Variants in PER3 observed in about 807,000 individuals in gnomAD.
The protein encoded by PER3 is period circadian protein homolog 3.
PER3 carries 107 observed loss-of-function variants against 127.2 expected under a neutral mutation model. The observed-to-expected ratio is 0.84, with a 90% confidence interval of 0.72 to 0.99. PER3 has a LOEUF of 0.99. Ranked by LOEUF, PER3 falls within the 50% of genes least tolerant of loss-of-function variation. PER3 has a pLI of 0.00. For missense variants in PER3, 1,560 were observed against 1,525.8 expected (o/e 1.02, Z -0.37); for synonymous variants, 618 against 585.8 (o/e 1.05, Z -0.79).
chr1:7,820,564 G>A lies in PER3; in HGVS notation c.1881G>A (p.Ala627=), dbSNP rs538642512. Residue 627 remains alanine (A), a synonymous_variant, in exon 16 of 22, where the codon GCG becomes GCA. Transcript: ENST00000377532. The part of the protein sequence containing the change: ...GGGAPQILST[A]MLSLGSGISQ... ...GAGCTCCACAGATCCTGTCCACGGC[G>A]ATGCTGAGCTTGGGGTCGGGCATAA... 1.4e-4 allele frequency: 223 copies of A among 1,614,088 alleles called. 2 individuals carry two copies. The East Asian group carries it at 3.5e-3, about 25-fold the overall frequency.
intron 10 of PER3, 94 bp from the exon 11 acceptor site, chr1:7,808,799 A>G: frequency 2.9e-6 from 2 of 696,086 alleles, no homozygotes; most frequent in Non-Finnish European, 2.5e-6. Context: ...ATTGTTTTGT[A>G]AAAGCATAGA....
chr1:7,791,176 G>A (rs2097118630), intron 5 of PER3, among the ~76,000 whole-genome samples: 1 of 151,412 alleles, frequency 6.6e-6, no homozygotes. Context: ...CTTAGCAGAG[G>A]TTCTCTATGA....
At chr1:7,816,013 A>C (rs964706775) in intron 13 of PER3, among the ~76,000 whole-genome samples, 1 of 147,470 alleles carries the variant, frequency 6.8e-6, no homozygotes, top group Non-Finnish European at 1.5e-5. Context: ...AAAAAAAAAA[A>C]AAAATTGAAT....
chr1:7,827,829 A>T lies in PER3; in HGVS notation c.2886+14A>T. The T allele has an allele frequency of 6.4e-7, 1 of 1,571,512 alleles. No individual in the cohort carries two copies. The highest frequency in any genetic ancestry group is 8.7e-7 in the Non-Finnish European group (1 of 1,147,804). The stretch of plus-strand genomic sequence containing the variant: ...CAAACTGAGTATGTAAGTGATGCTC[A>T]TTTTCAACACTCAAGTGAGAAAGTG... On this transcript the variant is annotated intron_variant, in intron 18 of 21. Coordinates refer to ENST00000377532, the MANE Select transcript of PER3 (RefSeq NM_001377275.1).
At chr1:7,834,498 C>A (rs1353081514) in intron 19 of PER3, among the ~76,000 whole-genome samples, 1 of 152,096 alleles carries the variant, frequency 6.6e-6, no homozygotes, top group African/African-American at 2.4e-5. Context: ...CTCTGTTACC[C>A]AGGCTAGAGT....
In PER3 at chr1:7,826,014, G is replaced by A. The variant is rs1301977528; in HGVS notation, c.1958-466G>A. Among the ~76,000 whole-genome samples, 1 of 152,204 alleles carries A rather than the reference G, an allele frequency of 6.6e-6. No homozygotes were observed. The highest frequency in any genetic ancestry group is 1.9e-4 in the East Asian group (1 of 5,206). On this transcript the variant is annotated intron_variant, in intron 16 of 21. Transcript: ENST00000377532. The surrounding 1 kb of genome is among the most constrained non-coding windows in gnomAD (Gnocchi z 4.2). Reference sequence around the variant, plus strand: ...GAACCTGGGAGGCGGAGGTTGCAGTGAGCCATGACGGCGCCACTTCACTCC... The same window carrying A: ...GAACCTGGGAGGCGGAGGTTGCAGTAAGCCATGACGGCGCCACTTCACTCC...
At chr1:7,796,084 G>A in intron 6 of PER3, among the ~76,000 whole-genome samples, 1 of 152,162 alleles carries the variant, frequency 6.6e-6, no homozygotes, top group East Asian at 1.9e-4. Flanking sequence ...GTGCCCCATG[G>A]TCTTTGACAG....
rs1470993099 is a variant in PER3 at position 7,784,391 on chromosome 1, G to C, written c.-225+15G>C. On this transcript the variant is annotated intron_variant, in intron 1 of 21. Coordinates refer to ENST00000377532, the MANE Select transcript of PER3 (RefSeq NM_001377275.1). ...GGGGGCAGCAGGTGAGTGCGCGGCCGGGCGGGAGTTCTGGGCGGCCGGGCG... is the reference window on the plus strand; with the variant it reads ...GGGGGCAGCAGGTGAGTGCGCGGCCCGGCGGGAGTTCTGGGCGGCCGGGCG... 1.3e-5 allele frequency: 2 copies of C among 148,968 alleles called. No homozygotes were observed. The highest frequency in any genetic ancestry group is 3.0e-5 in the Non-Finnish European group (2 of 66,714). The allele number at this position is 148,968 out of a possible 1,614,324, so 9.2% of individuals were successfully genotyped here. A position where few individuals can be genotyped will look rare whatever the true frequency, so the allele number is the denominator to read the frequency against.
chr1:7,809,024 A>G (rs1324697999), intron 11 of PER3, 26 bp downstream of exon 11: 2 of 1,096,444 alleles, frequency 1.8e-6, no homozygotes, highest in East Asian at 2.4e-5. Flanking sequence ...TAAAAATGCA[A>G]AGTTCCCTGA....
chr1:7,787,281 T>TA, intron 4 of PER3: 1 of 479,420 alleles, frequency 2.1e-6, no homozygotes, highest in Non-Finnish European at 2.7e-6. Context: ...CCTAAAATTT[T>TA]GGAAGAGACC....
rs1275689859 is a variant in PER3, at chr1:7,820,458, C to T, written c.1784-9C>T. 7 of 1,603,742 alleles carry T rather than the reference C, an allele frequency of 4.4e-6. No individual in the cohort carries two copies. The highest frequency in any genetic ancestry group is 5.1e-6 in the Non-Finnish European group (6 of 1,175,208). ...TTCTTTTCACTGTCAGTTTCTCTTA[C>T]ACCACCAGCTGGTTTGCAAATCCCA... On this transcript the variant is annotated splice_polypyrimidine_tract_variant and intron_variant, in intron 15 of 21. Coordinates refer to ENST00000377532, the MANE Select transcript of PER3 (RefSeq NM_001377275.1).
In PER3 at chr1:7,826,800, G is replaced by A. The variant is rs1446474198; in HGVS notation, c.2188+90G>A. On this transcript the variant is annotated intron_variant, in intron 17 of 21. Coordinates refer to ENST00000377532, the MANE Select transcript of PER3 (RefSeq NM_001377275.1). This position sits in a 1 kb window ranked among gnomAD's most constrained non-coding sequence, Gnocchi z 4.2. Reference sequence around the variant, plus strand: ...CTAGGAGATAAGGAGTGAACAATAGGAGTTTTACTTGTAAGAAACTGATGG... The same window carrying A: ...CTAGGAGATAAGGAGTGAACAATAGAAGTTTTACTTGTAAGAAACTGATGG... 1.3e-6 allele frequency: 1 copy of A among 763,678 alleles called. No homozygotes were observed. The highest frequency in any genetic ancestry group is 2.7e-5 in the East Asian group (1 of 37,426). The allele number at this position is 763,678 out of a possible 1,614,324, so 47.3% of individuals were successfully genotyped here.
At position 7,801,149 on chromosome 1, in the gene PER3, C is replaced by T. The variant is rs1448124530; in HGVS notation, c.830C>T (p.Thr277Ile). The stretch of plus-strand genomic sequence containing the variant: ...CCAGTGAATAAAAGAATCTTCACCA[C>T]CACACACACCCCAGGGTGTGTTTTT... ...RIPVNKRIFT[T>I]THTPGCVFLE... The change falls in exon 8 of 22, where the codon ACC becomes ATC. Residue 277 changes from threonine (T) to isoleucine (I), a missense_variant. Around this residue, in one of 3 missense-constraint regions of PER3, gnomAD observed 1,332 missense variants for 1,223.6 expected, o/e 1.09. Transcript: ENST00000377532. The T allele has an allele frequency of 1.2e-6, 2 of 1,608,390 alleles. No homozygotes were observed. The highest frequency in any genetic ancestry group is 2.2e-5 in the East Asian group (1 of 44,752).
intron 21 of PER3, among the ~76,000 whole-genome samples, chr1:7,841,927 T>C (rs1193977910): frequency 6.6e-6 from 1 of 152,112 alleles, no homozygotes; most frequent in African/African-American, 2.4e-5. Flanking sequence ...CGTCCTAGAG[T>C]GTACTCATAC....
At chr1:7,840,699 C>T (rs1160450189) in intron 21 of PER3, among the ~76,000 whole-genome samples, 4 of 152,108 alleles carry the variant, frequency 2.6e-5, no homozygotes, top group African/African-American at 9.7e-5. Flanking sequence ...CAGTTCACTG[C>T]AGCCTCTACC....
chr1:7,796,902 A>T (rs2097148183), intron 6 of PER3, among the ~76,000 whole-genome samples: 1 of 152,192 alleles, frequency 6.6e-6, no homozygotes, highest in South Asian at 2.1e-4. Context: ...GTCAAGGATA[A>T]TACCAGGAGT....
chr1:7,796,289 A>G (rs1373666858), intron 6 of PER3, among the ~76,000 whole-genome samples: 1 of 150,178 alleles, frequency 6.7e-6, no homozygotes, highest in Non-Finnish European at 1.5e-5. Flanking sequence ...TTTTCAGTGA[A>G]CAGAGGTAGG....
chr1:7,785,727 C>A, intron 3 of PER3, 141 bp downstream of exon 3: 1 of 669,798 alleles, frequency 1.5e-6, no homozygotes, highest in Non-Finnish European at 2.6e-6. Context: ...CAAATCTACA[C>A]CGATTCCATT....
At chr1:7,830,235 GC>G in intron 19 of PER3, 74 bp downstream of exon 19, 1 of 1,344,546 alleles carries the variant, frequency 7.4e-7, no homozygotes. Flanking sequence ...CTCACTGTGT[GC>G]CCCAGGCACT....
Sources: allele counts gnomAD v4.1 joint callset (sites outside exome capture counted in the v4.1 genomes callset), GRCh38; gene constraint gnomAD v4.1.1; regional missense constraint gnomAD v4.1.1; non-coding constraint Gnocchi (gnomAD v3.1); transcripts MANE v1.5; gene names NCBI Gene and HGNC (gene_info 2026-07-23, HGNC 2026-07-21).